The following CDYL2 variants were observed in gnomAD, a reference collection of about 807,000 sequenced individuals.
CDYL2 encodes the protein chromodomain Y like 2.
Under a neutral mutation model 49.4 loss-of-function variants are expected in CDYL2, and 23 were observed. The observed-to-expected ratio is 0.47, with a 90% CI of 0.34 to 0.66. The LOEUF (loss-of-function observed/expected upper bound fraction) is 0.66, where lower values mean the gene tolerates loss of function less well. Among genes scored for constraint, CDYL2 ranks in the 30% least tolerant of loss-of-function variants. The pLI, the probability that CDYL2 is intolerant of heterozygous loss-of-function variation, is 0.01. For missense variants in CDYL2, 678 were observed against 656.4 expected (o/e 1.03, Z -0.36); for synonymous variants, 360 against 268.8 (o/e 1.34, Z -3.32).
chr16:80,691,389 G>A (rs1910408617), intron 1 of CDYL2, among the ~76,000 whole-genome samples: 1 of 152,298 alleles, frequency 6.6e-6, no homozygotes, highest in Non-Finnish European at 1.5e-5. Flanking sequence ...AAGGCAGTAG[G>A]TTTTTCCCGT....
At chr16:80,693,380 C>T (rs546771243) in intron 1 of CDYL2, among the ~76,000 whole-genome samples, 4 of 152,032 alleles carry the variant, frequency 2.6e-5, no homozygotes, top group South Asian at 4.2e-4. Context: ...GAAATAAGGT[C>T]TATATTGCAA....
chr16:80,717,710 G>A (rs56338398), intron 1 of CDYL2, among the ~76,000 whole-genome samples: 58,933 of 151,806 alleles, frequency 0.39, 14,292 homozygotes, highest in Middle Eastern at 0.57. Flanking sequence ...CCTGTCCTTG[G>A]GAAGTTGGCC....
At chr16:80,697,628 A>G (rs575534933) in intron 1 of CDYL2, among the ~76,000 whole-genome samples, 80 of 152,300 alleles carry the variant, frequency 5.3e-4, no homozygotes, top group African/African-American at 1.9e-3. Context: ...AAGGAAGTCA[A>G]ATTATCCTTG....
chr16:80,663,087 A>G (rs923338908), intron 2 of CDYL2, among the ~76,000 whole-genome samples: 3 of 150,334 alleles, frequency 2.0e-5, no homozygotes, highest in Non-Finnish European at 3.0e-5. Flanking sequence ...GATAGGATAA[A>G]AAAATTGTGG....
At chr16:80,650,628 A>C (rs1254713423) in intron 2 of CDYL2, among the ~76,000 whole-genome samples, 2 of 152,244 alleles carry the variant, frequency 1.3e-5, no homozygotes, top group African/African-American at 4.8e-5. Flanking sequence ...GTATACACCC[A>C]AAAGAAAGGA....
chr16:80,629,871 G>A (rs1567547383), intron 3 of CDYL2, among the ~76,000 whole-genome samples: 1 of 152,184 alleles, frequency 6.6e-6, no homozygotes, highest in Non-Finnish European at 1.5e-5. Flanking sequence ...CATTAACAAT[G>A]ATGGGAACAT....
rs1450139861 is a variant in CDYL2 at position 80,690,536 on chromosome 16, C to A, written c.25-5407G>T. 2.7e-5 allele frequency among the ~76,000 whole-genome samples: 4 copies of A among 146,500 alleles called. No homozygotes were observed. In the East Asian group the frequency reaches 7.9e-4, roughly 29 times the overall value. Reference sequence around the variant, plus strand: ...TTATATAGAGGATAAAACTGAGGCACCCAGAAGTTATGGACTTTGGTAAGC... The same window carrying A: ...TTATATAGAGGATAAAACTGAGGCAACCAGAAGTTATGGACTTTGGTAAGC... On this transcript the variant is annotated intron_variant, in intron 1 of 6. Transcript: ENST00000570137.
chr16:80,642,881 G>GA (rs965719403), intron 2 of CDYL2, among the ~76,000 whole-genome samples: 1 of 152,020 alleles, frequency 6.6e-6, no homozygotes, highest in African/African-American at 2.4e-5. Flanking sequence ...TTTGAGTGGG[G>GA]ACACACAGTC....
intron 1 of CDYL2, among the ~76,000 whole-genome samples, chr16:80,727,013 G>C (rs545997258): frequency 6.6e-6 from 1 of 152,324 alleles, no homozygotes; most frequent in South Asian, 2.1e-4. Context: ...TGGAGCCCAG[G>C]TGGTAGAGGC....
chr16:80,601,915 T>C lies in CDYL2; in HGVS notation c.*2473A>G, dbSNP rs1906103859. ...TTAGAAGTTTGGATTTGATAGTACA[T>C]CCAAAGCTGAAGCATTTCTAGTTCT... is the stretch of plus-strand genomic sequence containing the variant. On this transcript the variant is annotated 3_prime_UTR_variant, in exon 7 of 7. Coordinates refer to ENST00000570137, the MANE Select transcript of CDYL2 (RefSeq NM_152342.4). 6.6e-6 allele frequency: 1 copy of C among 152,174 alleles called. No homozygotes were observed. 9.4% of individuals were successfully genotyped at this position (152,174 alleles called of 1,614,324 possible). A position where few individuals can be genotyped will look rare whatever the true frequency, so the allele number is the denominator to read the frequency against.
In CDYL2 at chr16:80,684,812, G is replaced by T; in HGVS notation, c.342C>A (p.Ala114=). The change falls in exon 2 of 7, where the codon GCC becomes GCA. Residue 114 remains alanine, a synonymous_variant. Coordinates refer to ENST00000570137, the MANE Select transcript of CDYL2 (RefSeq NM_152342.4). ...HKRKRINPPL[A]KPKKGYSGKP... ...TGCCTGAATACCCTTTTTTTGGCTT[G>T]GCCAGGGGAGGGTTAATTCGCTTCC... The T allele has an allele frequency of 6.2e-7, 1 of 1,613,744 alleles. No homozygotes were observed. Among genetic ancestry groups the T allele is most frequent in the Middle Eastern group, 1.7e-4 (1 of 6,060 alleles).
At chr16:80,791,805 A>G (rs1224547659) in intron 1 of CDYL2, among the ~76,000 whole-genome samples, 1 of 152,216 alleles carries the variant, frequency 6.6e-6, no homozygotes, top group African/African-American at 2.4e-5. Flanking sequence ...TATATCACTT[A>G]AAGGCATTTA....
At chr16:80,687,401 G>C (rs1047830644) in intron 1 of CDYL2, among the ~76,000 whole-genome samples, 1 of 152,076 alleles carries the variant, frequency 6.6e-6, no homozygotes, top group African/African-American at 2.4e-5. Flanking sequence ...TGGGTGGATG[G>C]GTGGGTGGAT....
At chr16:80,624,320 G>C (rs1488159555) in intron 3 of CDYL2, among the ~76,000 whole-genome samples, 1 of 152,098 alleles carries the variant, frequency 6.6e-6, no homozygotes, top group African/African-American at 2.4e-5. Flanking sequence ...ATTTATTTTT[G>C]CTGTAGGAAA....
intron 1 of CDYL2, among the ~76,000 whole-genome samples, chr16:80,749,582 A>G (rs934535834): frequency 6.6e-6 from 1 of 152,200 alleles, no homozygotes; most frequent in African/African-American, 2.4e-5. Context: ...AGTCTCAGAC[A>G]CCCCAATAAC....
At chr16:80,661,332 C>T (rs1048857001) in intron 2 of CDYL2, among the ~76,000 whole-genome samples, 10 of 152,180 alleles carry the variant, frequency 6.6e-5, no homozygotes, top group Admixed American at 3.9e-4. Context: ...GTGATCTACA[C>T]CTGCCCCCAC....
At chr16:80,691,783 A>G (rs1390997755) in intron 1 of CDYL2, among the ~76,000 whole-genome samples, 1 of 152,188 alleles carries the variant, frequency 6.6e-6, no homozygotes, top group Non-Finnish European at 1.5e-5. Flanking sequence ...AAAGAGAGAG[A>G]AGAAGAGATA....
intron 1 of CDYL2, among the ~76,000 whole-genome samples, chr16:80,746,390 C>A (rs904986341): frequency 6.6e-6 from 1 of 152,160 alleles, no homozygotes; most frequent in African/African-American, 2.4e-5. Context: ...TAGACAAGCT[C>A]GAAATGTTCC....
chr16:80,797,112 C>A (rs1907789459), intron 1 of CDYL2, among the ~76,000 whole-genome samples: 1 of 152,178 alleles, frequency 6.6e-6, no homozygotes, highest in Non-Finnish European at 1.5e-5. Flanking sequence ...TGTTTACACA[C>A]TGTTTTTTGG....
Sources: allele counts gnomAD v4.1 joint callset (sites outside exome capture counted in the v4.1 genomes callset), GRCh38; gene constraint gnomAD v4.1.1; transcripts MANE v1.5; gene names NCBI Gene and HGNC (gene_info 2026-07-23, HGNC 2026-07-21).